Variants in LINGO2 observed in about 807,000 individuals in gnomAD.
LINGO2 encodes leucine-rich repeat and immunoglobulin-like domain-containing nogo receptor-interacting protein 2.
A neutral mutation model predicts 30.6 loss-of-function variants in LINGO2; 14 were observed. That is an observed-to-expected ratio of 0.46 (90% confidence interval 0.30 to 0.72). LINGO2 has a LOEUF of 0.72. Ranked by LOEUF, LINGO2 falls within the 30% of genes least tolerant of loss-of-function variation. The pLI, the probability that LINGO2 is intolerant of heterozygous loss-of-function variation, is 0.07. For missense variants in LINGO2, 729 were observed against 751.7 expected, an observed-to-expected ratio of 0.97 and a Z score of 0.35; for synonymous variants, 317 against 288.5, an observed-to-expected ratio of 1.10 and a Z score of -1.00.
rs78447168 is a variant in LINGO2 at position 28,122,687 on chromosome 9, G to T, written c.-86-110282C>A. 7.1e-3 allele frequency among the ~76,000 whole-genome samples: 1,087 copies of T among 152,244 alleles called. 21 individuals are homozygous for T. Among genetic ancestry groups the T allele is most frequent in the African/African-American group, 0.024 (980 of 41,534 alleles). On this transcript the variant is annotated intron_variant, in intron 4 of 5. Transcript: ENST00000379992. ...TAAAAGCAACCTATCCCAGGATGAT[G>T]GTGACTTAGACTTTTCCTTGTCTTT... is the stretch of plus-strand genomic sequence containing the variant.
At chr9:27,993,935 A>T (rs1422064180) in intron 5 of LINGO2, among the ~76,000 whole-genome samples, 1 of 152,152 alleles carries the variant, frequency 6.6e-6, no homozygotes, top group Non-Finnish European at 1.5e-5. Flanking sequence ...TTAAAAAAAA[A>T]AATCAAAATC....
chr9:27,989,522 A>G (rs16912213), intron 5 of LINGO2, among the ~76,000 whole-genome samples: 7,411 of 151,876 alleles, frequency 0.049, 330 homozygotes, highest in Admixed American at 0.1. Context: ...AGAAAGAACT[A>G]TATCATGAGT....
chr9:28,932,104 C>CA, the LINGO2 span, among the ~76,000 whole-genome samples: 3 of 19,204 alleles, frequency 1.6e-4, no homozygotes, highest in Non-Finnish European at 3.6e-4. Context: ...AAGACTCTGA[C>CA]AAAAAAATAA....
intron 4 of LINGO2, among the ~76,000 whole-genome samples, chr9:28,163,907 G>T (rs1828356697): frequency 1.3e-5 from 2 of 152,084 alleles, no homozygotes; most frequent in Admixed American, 1.3e-4. Flanking sequence ...TTCTGCAATA[G>T]CCCAGAATTA....
chr9:28,041,489 T>C (rs1030675728), intron 4 of LINGO2, among the ~76,000 whole-genome samples: 1 of 152,146 alleles, frequency 6.6e-6, no homozygotes, highest in African/African-American at 2.4e-5. Flanking sequence ...GCTGGGTATG[T>C]GTGCGTGTGT....
the LINGO2 span, among the ~76,000 whole-genome samples, chr9:29,081,668 T>C: frequency 1.3e-5 from 2 of 152,284 alleles, no homozygotes; most frequent in East Asian, 3.9e-4. Flanking sequence ...TACATGATTC[T>C]ATATTTAGAA....
At chr9:28,530,059 G>A (rs968116348) in intron 1 of LINGO2, among the ~76,000 whole-genome samples, 6 of 151,870 alleles carry the variant, frequency 4.0e-5, no homozygotes, top group African/African-American at 1.5e-4. Context: ...TGAGCTTTTT[G>A]GGGGGAGTGA....
the LINGO2 span, among the ~76,000 whole-genome samples, chr9:28,906,430 TA>T: frequency 3.3e-5 from 5 of 151,792 alleles, no homozygotes; most frequent in East Asian, 9.7e-4. Flanking sequence ...ATTTATAAAT[TA>T]AAAATAATTA....
the LINGO2 span, among the ~76,000 whole-genome samples, chr9:29,179,800 T>C: frequency 6.6e-6 from 1 of 152,330 alleles, no homozygotes; most frequent in South Asian, 2.1e-4. Flanking sequence ...CCATGGTAGC[T>C]TACAATACAG....
the LINGO2 span, among the ~76,000 whole-genome samples, chr9:28,818,088 A>T: frequency 6.6e-6 from 1 of 152,214 alleles, no homozygotes; most frequent in Non-Finnish European, 1.5e-5. Context: ...TAATGTTTTT[A>T]AAATTTAATG....
the LINGO2 span, among the ~76,000 whole-genome samples, chr9:29,039,522 T>C: frequency 1.3e-5 from 2 of 152,288 alleles, no homozygotes; most frequent in Non-Finnish European, 2.9e-5. Flanking sequence ...CAGCACCATC[T>C]ACTTCTTGAG....
At chr9:28,137,511 C>T (rs1289071791) in intron 4 of LINGO2, among the ~76,000 whole-genome samples, 3 of 151,984 alleles carry the variant, frequency 2.0e-5, no homozygotes, top group Non-Finnish European at 2.9e-5. Context: ...TATTTAGGGC[C>T]TAGAATATTG....
the LINGO2 span, among the ~76,000 whole-genome samples, chr9:29,098,762 A>G: frequency 1.3e-5 from 2 of 152,122 alleles, no homozygotes; most frequent in African/African-American, 2.4e-5. Context: ...TTATGAGGAT[A>G]ATTCCATTAT....
the LINGO2 span, among the ~76,000 whole-genome samples, chr9:28,799,944 C>CA: frequency 1.3e-5 from 2 of 151,862 alleles, no homozygotes; most frequent in African/African-American, 2.4e-5. Flanking sequence ...AGAACCATTA[C>CA]AAAAAATAAT....
intron 3 of LINGO2, among the ~76,000 whole-genome samples, chr9:28,326,039 C>T (rs113532255): frequency 2.0e-5 from 3 of 152,300 alleles, no homozygotes; most frequent in African/African-American, 4.8e-5. Flanking sequence ...CAAAGTCTCG[C>T]TCTGTCGCTT....
At chr9:28,485,248 T>C (rs1042368613) in intron 1 of LINGO2, among the ~76,000 whole-genome samples, 6 of 152,164 alleles carry the variant, frequency 3.9e-5, no homozygotes, top group African/African-American at 1.4e-4. Context: ...CCAGTCTTCC[T>C]ACTTACTGGT....
intron 2 of LINGO2, among the ~76,000 whole-genome samples, chr9:28,405,861 T>TCC (rs1364695398): frequency 4.6e-5 from 7 of 152,166 alleles, no homozygotes; most frequent in Non-Finnish European, 1.0e-4. Context: ...CCTTTTTATT[T>TCC]TTTATTTCAC....
At chr9:28,754,867 A>G in the LINGO2 span, among the ~76,000 whole-genome samples, 3 of 151,924 alleles carry the variant, frequency 2.0e-5, no homozygotes, top group Non-Finnish European at 4.4e-5. Flanking sequence ...TCCTGATCCC[A>G]TGATCCGCCC....
At chr9:28,887,423 A>G in the LINGO2 span, among the ~76,000 whole-genome samples, 1 of 152,154 alleles carries the variant, frequency 6.6e-6, no homozygotes, top group Non-Finnish European at 1.5e-5. Context: ...CTCTCTCCTG[A>G]TTGTACCTGA....
Sources: allele counts gnomAD v4.1 joint callset (sites outside exome capture counted in the v4.1 genomes callset), GRCh38; gene constraint gnomAD v4.1.1; transcripts MANE v1.5; gene names NCBI Gene and HGNC (gene_info 2026-07-23, HGNC 2026-07-21).